Variants in ANKS1A observed in about 807,000 individuals in gnomAD.
The protein encoded by ANKS1A is ankyrin repeat and SAM domain-containing protein 1A.
ANKS1A carries 55 observed loss-of-function variants against 120.3 expected under a neutral mutation model. That is an observed-to-expected ratio of 0.46 (90% CI 0.37 to 0.57). The LOEUF is 0.57. Ranked by LOEUF, ANKS1A falls within the 20% of genes least tolerant of loss-of-function variation. The pLI, the probability that ANKS1A is intolerant of heterozygous loss-of-function variation, is 0.00. For synonymous variants in ANKS1A, 590 were observed against 604.7 expected, an observed-to-expected ratio of 0.98 and a Z score of 0.36; for missense variants, 1,123 against 1,480.3, an observed-to-expected ratio of 0.76 and a Z score of 3.96.
In ANKS1A at chr6:35,088,616, G is replaced by A. The variant is rs1418524719; in HGVS notation, c.*7G>A. ...TTTGCTTCTGCCAAGCTGAGCCACT[G>A]AGGAACCACACTGTGCTGCGGAAAC... On this transcript the variant is annotated 3_prime_UTR_variant, in exon 24 of 24. Coordinates refer to ENST00000360359, the MANE Select transcript of ANKS1A (RefSeq NM_015245.3). 8.1e-6 allele frequency: 13 copies of A among 1,614,106 alleles called. No individual in the cohort carries two copies. The African/African-American group carries it at 1.2e-4, about 15-fold the overall frequency.
intron 12 of ANKS1A, among the ~76,000 whole-genome samples, chr6:35,056,535 T>G (rs1776234049): frequency 6.6e-6 from 1 of 152,070 alleles, no homozygotes. Context: ...TGATCCACCC[T>G]CCTCGGCCTC....
In ANKS1A at chr6:34,964,240, C is replaced by T. The variant is rs140777126; in HGVS notation, c.198-2999C>T. On this transcript the variant is annotated intron_variant, in intron 1 of 23. Transcript: ENST00000360359. ...TGACTTTTTTGTCTTCTTTTCCTTGCGCATAGATGATTCCCCCTTTCTTTT... is the reference window on the plus strand; with the variant it reads ...TGACTTTTTTGTCTTCTTTTCCTTGTGCATAGATGATTCCCCCTTTCTTTT... Among the ~76,000 whole-genome samples, 35 of 152,250 alleles carry T rather than the reference C, an allele frequency of 2.3e-4. No homozygotes were observed. In the East Asian group the frequency reaches 2.3e-3, roughly 10 times the overall value.
At chr6:35,094,596 T>C (rs1018881740), downstream of ANKS1A, among the ~76,000 whole-genome samples, 14 of 151,992 alleles carry the variant, frequency 9.2e-5, no homozygotes, top group Non-Finnish European at 1.5e-5. Flanking sequence ...AAATAAAAGA[T>C]ATAAAGAACC....
At position 35,082,336 on chromosome 6, in the gene ANKS1A, C is replaced by A. The variant is rs1392405033; in HGVS notation, c.2710-355C>A. 6.6e-6 allele frequency among the ~76,000 whole-genome samples: 1 copy of A among 152,098 alleles called. No individual in the cohort carries two copies. The highest frequency in any genetic ancestry group is 1.5e-5 in the Non-Finnish European group (1 of 68,018). ...CAGGGTCTCGTGGGCGCTGTTCTCT[C>A]CTTTGGTCTTTGTGCAGAACAGCCT... is the stretch of plus-strand genomic sequence containing the variant. On this transcript the variant is annotated intron_variant, in intron 17 of 23. Transcript: ENST00000360359. The surrounding 1 kb of genome is among the most constrained non-coding windows in gnomAD (Gnocchi z 4.1).
At chr6:34,975,128 C>T (rs1771490166) in intron 3 of ANKS1A, among the ~76,000 whole-genome samples, 1 of 152,140 alleles carries the variant, frequency 6.6e-6, no homozygotes, top group Non-Finnish European at 1.5e-5. Context: ...TTTGCCTCTT[C>T]CCTGAAAGGC....
chr6:35,010,418 A>G (rs535776518), intron 10 of ANKS1A, among the ~76,000 whole-genome samples: 1 of 152,316 alleles, frequency 6.6e-6, no homozygotes, highest in East Asian at 1.9e-4. Flanking sequence ...TCCAAGTTCA[A>G]GGCATCAGCA....
intron 1 of ANKS1A, among the ~76,000 whole-genome samples, chr6:34,902,837 C>G (rs1163860794): frequency 6.9e-6 from 1 of 145,916 alleles, no homozygotes; most frequent in Non-Finnish European, 1.5e-5. Context: ...TTTCCTTATC[C>G]ATTATGATCT....
chr6:34,983,790 A>ATTTT (rs11348002), intron 7 of ANKS1A, among the ~76,000 whole-genome samples: 1 of 136,660 alleles, frequency 7.3e-6, no homozygotes, highest in Non-Finnish European at 1.6e-5. Flanking sequence ...CGAGTAATAA[A>ATTTT]TTTTTTTTTT....
At chr6:35,073,420 G>T (rs559101874) in intron 13 of ANKS1A, among the ~76,000 whole-genome samples, 6 of 152,310 alleles carry the variant, frequency 3.9e-5, no homozygotes, top group Non-Finnish European at 5.9e-5. Context: ...GGGAGCAGTC[G>T]GACACCTGCC....
intron 1 of ANKS1A, among the ~76,000 whole-genome samples, chr6:34,900,704 G>A (rs768090079): frequency 9.2e-5 from 14 of 152,174 alleles, no homozygotes; most frequent in Non-Finnish European, 2.1e-4. Flanking sequence ...AAAAGTTAGA[G>A]CTTAGTTTTG....
Position 35,089,523 on chromosome 6 carries a change from G to A in ANKS1A, c.*914G>A. 2.0e-6 allele frequency: 2 copies of A among 986,504 alleles called. No homozygotes were observed. The highest frequency in any genetic ancestry group is 2.4e-6 in the Non-Finnish European group (2 of 830,436). 61.1% of individuals were successfully genotyped at this position (986,504 alleles called of 1,614,324 possible). On this transcript the variant is annotated 3_prime_UTR_variant, in exon 24 of 24. Transcript: ENST00000360359. ...AGCTAAGGTTGCTACTTGCCAATTT[G>A]TGATTTGTCTAATCAGCCTGTGTGA...
intron 11 of ANKS1A, chr6:35,038,345 A>G (rs1775285476): frequency 2.2e-6 from 1 of 456,550 alleles, no homozygotes; most frequent in Admixed American, 2.3e-5. Context: ...GATAGTCCTC[A>G]ATACAGTTTC....
intron 1 of ANKS1A, among the ~76,000 whole-genome samples, chr6:34,934,067 C>T (rs1317767356): frequency 6.6e-6 from 1 of 152,176 alleles, no homozygotes; most frequent in Non-Finnish European, 1.5e-5. Context: ...ATACTCCATA[C>T]AAATTAAAGC....
intron 1 of ANKS1A, among the ~76,000 whole-genome samples, chr6:34,928,184 G>A (rs1768808469): frequency 6.6e-6 from 1 of 151,710 alleles, no homozygotes; most frequent in South Asian, 2.1e-4. Context: ...TGGAGATTGG[G>A]AATATTGTCT....
chr6:35,086,188 G>A lies in ANKS1A; in HGVS notation c.3303+252G>A. The A allele has an allele frequency of 7.7e-7, 1 of 1,298,170 alleles. No homozygotes were observed. Among genetic ancestry groups the A allele is most frequent in the African/African-American group, 1.5e-5 (1 of 68,280 alleles). The allele number at this position is 1,298,170 out of a possible 1,614,324, so 80.4% of individuals were successfully genotyped here. A position where few individuals can be genotyped will look rare whatever the true frequency, so the allele number is the denominator to read the frequency against. ...GCTCCCCCAAGGGCAAGGCCGTCAAGGGGCTGCAGAGAGCGGCCTGCAGGC... is the reference window on the plus strand; with the variant it reads ...GCTCCCCCAAGGGCAAGGCCGTCAAAGGGCTGCAGAGAGCGGCCTGCAGGC... On this transcript the variant is annotated intron_variant, in intron 22 of 23. Transcript: ENST00000360359. The surrounding 1 kb of genome is among the most constrained non-coding windows in gnomAD (Gnocchi z 5.1).
chr6:35,041,295 T>A (rs1775444657), intron 11 of ANKS1A, among the ~76,000 whole-genome samples: 1 of 152,174 alleles, frequency 6.6e-6, no homozygotes, highest in African/African-American at 2.4e-5. Context: ...CAATCAATGC[T>A]TACAAAACAG....
intron 8 of ANKS1A, among the ~76,000 whole-genome samples, chr6:34,985,897 C>G (rs1283240822): frequency 6.6e-6 from 1 of 152,212 alleles, no homozygotes; most frequent in Admixed American, 6.5e-5. Context: ...TCTCATCTTT[C>G]TGTTTCTTTC....
intron 1 of ANKS1A, among the ~76,000 whole-genome samples, chr6:34,912,541 G>A (rs78567653): frequency 6.6e-6 from 1 of 152,242 alleles, no homozygotes; most frequent in Non-Finnish European, 1.5e-5. Flanking sequence ...TGAGAGAGAG[G>A]CCCCTTCACC....
intron 10 of ANKS1A, among the ~76,000 whole-genome samples, chr6:35,010,815 A>G (rs551628766): frequency 6.6e-6 from 1 of 152,308 alleles, no homozygotes; most frequent in South Asian, 2.1e-4. Context: ...GTAGTCATTA[A>G]AAAAGTTTGA....
Sources: allele counts gnomAD v4.1 joint callset (sites outside exome capture counted in the v4.1 genomes callset), GRCh38; gene constraint gnomAD v4.1.1; non-coding constraint Gnocchi (gnomAD v3.1); transcripts MANE v1.5; gene names NCBI Gene and HGNC (gene_info 2026-07-23, HGNC 2026-07-21).